Variants in STPG2 observed in about 807,000 individuals in gnomAD.
STPG2 encodes sperm tail PG-rich repeat containing 2.
In STPG2, 56 loss-of-function variants were observed where a neutral mutation model predicts 54.2. The ratio of observed to expected loss-of-function variants is 1.03; its 90% confidence interval spans 0.83 to 1.29. The LOEUF is 1.29. Ranked by LOEUF, STPG2 falls within the 50% of genes most tolerant of loss-of-function variation. The pLI, the probability that STPG2 is intolerant of heterozygous loss-of-function variation, is 0.00. For missense variants in STPG2, 596 were observed against 544.9 expected (o/e 1.09, Z -0.93); for synonymous variants, 200 against 181.8 (o/e 1.10, Z -0.81).
intron 9 of STPG2, among the ~76,000 whole-genome samples, chr4:97,735,500 T>C (rs989140263): frequency 1.3e-5 from 2 of 150,842 alleles, no homozygotes; most frequent in Admixed American, 6.6e-5. Context: ...TTCAGTGCTA[T>C]ATAATTCATC....
chr4:97,943,726 T>G (rs544927510), intron 8 of STPG2, among the ~76,000 whole-genome samples, 171 bp downstream of exon 8: 7 of 152,310 alleles, frequency 4.6e-5, no homozygotes, highest in African/African-American at 1.7e-4. Flanking sequence ...GACTTTGGCA[T>G]AGCTTGAAGA....
intron 9 of STPG2, among the ~76,000 whole-genome samples, chr4:97,739,633 C>T (rs141090799): frequency 0.013 from 1,933 of 151,348 alleles, 45 homozygotes; most frequent in African/African-American, 0.044. Flanking sequence ...ATAAATTCCT[C>T]GACACATACA....
At chr4:97,847,104 T>C (rs1389378098) in intron 8 of STPG2, among the ~76,000 whole-genome samples, 1 of 152,118 alleles carries the variant, frequency 6.6e-6, no homozygotes, top group Non-Finnish European at 1.5e-5. Flanking sequence ...GGTGAAAAAA[T>C]TTATAGGCTA....
chr4:97,950,491 G>A (rs113834007), intron 7 of STPG2, among the ~76,000 whole-genome samples: 1 of 152,176 alleles, frequency 6.6e-6, no homozygotes, highest in African/African-American at 2.4e-5. Flanking sequence ...TTCATATGCT[G>A]ATTTTTTCAA....
rs192164234 is a variant in STPG2, at chr4:97,644,136, T to C, written c.1320+68563A>G. Among the ~76,000 whole-genome samples, 6 of 152,016 alleles carry C rather than the reference T, an allele frequency of 3.9e-5. No individual in the cohort carries two copies. The East Asian group carries it at 9.7e-4, about 24-fold the overall frequency. On this transcript the variant is annotated intron_variant, in intron 10 of 10. Coordinates refer to ENST00000295268, the MANE Select transcript of STPG2 (RefSeq NM_174952.3). ...AACCTTTGATCTTTTGACAAACCTA[T>C]GAAAAACAAATAGAGCTTTAGGAAA...
chr4:97,789,279 A>C (rs1391321746), intron 9 of STPG2, among the ~76,000 whole-genome samples: 1 of 152,048 alleles, frequency 6.6e-6, no homozygotes, highest in African/African-American at 2.4e-5. Flanking sequence ...GCCTCATCAA[A>C]AACTAAAATA....
chr4:97,555,764 A>C (rs1199721193), downstream of STPG2, among the ~76,000 whole-genome samples: 7 of 152,158 alleles, frequency 4.6e-5, no homozygotes, highest in African/African-American at 1.7e-4. Flanking sequence ...GGTAGTATAG[A>C]ACAGATTGGG....
chr4:97,853,709 C>T (rs1729241265), intron 8 of STPG2, among the ~76,000 whole-genome samples: 1 of 152,178 alleles, frequency 6.6e-6, no homozygotes, highest in African/African-American at 2.4e-5. Context: ...TTACTTCTTC[C>T]TTCCCTTCTC....
At chr4:97,901,321 A>G (rs539194551) in intron 8 of STPG2, among the ~76,000 whole-genome samples, 2 of 152,094 alleles carry the variant, frequency 1.3e-5, no homozygotes, top group East Asian at 3.9e-4. Context: ...CTAGTACTAG[A>G]AGTTCTAGCC....
downstream of STPG2, among the ~76,000 whole-genome samples, chr4:97,553,940 TACAG>T (rs72043162): frequency 2.8e-3 from 419 of 152,310 alleles, 3 homozygotes; most frequent in African/African-American, 9.5e-3. Flanking sequence ...AGTCCTGCCA[TACAG>T]ACAGACACTT....
At chr4:97,561,190 T>C (rs1296672641) in intron 10 of STPG2, among the ~76,000 whole-genome samples, 1 of 152,176 alleles carries the variant, frequency 6.6e-6, no homozygotes, top group African/African-American at 2.4e-5. Context: ...TTTGCATTTC[T>C]CTGATGGCCA....
intron 8 of STPG2, among the ~76,000 whole-genome samples, chr4:97,853,822 C>T (rs1489867914): frequency 1.3e-5 from 2 of 152,106 alleles, no homozygotes; most frequent in Admixed American, 1.3e-4. Flanking sequence ...CATTCTCTCA[C>T]CCAGGCTGGA....
chr4:97,861,636 T>A (rs778998365), intron 8 of STPG2, among the ~76,000 whole-genome samples: 1 of 151,002 alleles, frequency 6.6e-6, no homozygotes, highest in Non-Finnish European at 1.5e-5. Context: ...ATAAAGAAAA[T>A]GAAATGAAGA....
chr4:97,451,925 GC>G (rs568698435), intron 4 of STPG2, among the ~76,000 whole-genome samples: 74 of 152,278 alleles, frequency 4.9e-4, no homozygotes, highest in African/African-American at 1.3e-3. Context: ...GCCTGTGGCT[GC>G]CATCAGGTAT....
chr4:97,544,008 G>A (rs1352423506), intron 4 of STPG2, among the ~76,000 whole-genome samples: 1 of 152,064 alleles, frequency 6.6e-6, no homozygotes, highest in Non-Finnish European at 1.5e-5. Flanking sequence ...AATCATAATA[G>A]AATGTGGTTC....
At chr4:97,679,892 C>A (rs954440804) in intron 10 of STPG2, among the ~76,000 whole-genome samples, 16 of 151,506 alleles carry the variant, frequency 1.1e-4, no homozygotes, top group African/African-American at 3.6e-4. Context: ...GAATCCTTTC[C>A]CCATTGCTTG....
Position 98,024,084 on chromosome 4 carries a change from C to T in STPG2, c.613-42766G>A, listed in dbSNP as rs1013749902. 2.6e-5 allele frequency among the ~76,000 whole-genome samples: 4 copies of T among 152,198 alleles called. 1 individual carries two copies. In the South Asian group the frequency reaches 6.2e-4, roughly 24 times the overall value. ...ACTCCCTAGTGAGATGAACCTGGTACCTCAGATGGAAATGCAGAAATCACC... is the reference window on the plus strand; with the variant it reads ...ACTCCCTAGTGAGATGAACCTGGTATCTCAGATGGAAATGCAGAAATCACC... On this transcript the variant is annotated intron_variant, in intron 5 of 10. Transcript: ENST00000295268.
chr4:98,077,807 A>G (rs963657026), intron 5 of STPG2, among the ~76,000 whole-genome samples: 1 of 152,206 alleles, frequency 6.6e-6, no homozygotes, highest in Admixed American at 6.5e-5. Flanking sequence ...CTACCCCGAC[A>G]GCGCTAAAGA....
chr4:97,442,977 G>C (rs185301153), intron 4 of STPG2, among the ~76,000 whole-genome samples: 296 of 151,494 alleles, frequency 2.0e-3, no homozygotes, highest in African/African-American at 6.8e-3. Flanking sequence ...AGAGTTGAAA[G>C]GAAAGGAGCT....
Sources: allele counts gnomAD v4.1 joint callset (sites outside exome capture counted in the v4.1 genomes callset), GRCh38; gene constraint gnomAD v4.1.1; transcripts MANE v1.5; gene names NCBI Gene and HGNC (gene_info 2026-07-23, HGNC 2026-07-21).